FSIP1: variants seen among roughly 807,000 people sequenced by gnomAD.
The protein encoded by FSIP1 is fibrous sheath interacting protein 1.
Under a neutral mutation model 60.9 loss-of-function variants are expected in FSIP1, and 65 were observed. The observed-to-expected ratio is 1.07, with a 90% CI of 0.87 to 1.31. FSIP1 has a LOEUF of 1.31. Ranked by LOEUF, FSIP1 falls within the 40% of genes most tolerant of loss-of-function variation. The pLI, the probability that FSIP1 is intolerant of heterozygous loss-of-function variation, is 0.00. For synonymous variants in FSIP1, 209 were observed against 221.2 expected, an observed-to-expected ratio of 0.94 and a Z score of 0.49; for missense variants, 675 against 665.5, an observed-to-expected ratio of 1.01 and a Z score of -0.16.
chr15:39,705,941 T>C (rs1211935069), intron 10 of FSIP1, among the ~76,000 whole-genome samples: 13 of 147,270 alleles, frequency 8.8e-5, no homozygotes, highest in Non-Finnish European at 3.0e-5. Context: ...GAGGTTGCAG[T>C]GAGCTGAGAT....
At chr15:39,686,003 T>A (rs1016974689) in intron 10 of FSIP1, among the ~76,000 whole-genome samples, 4 of 152,150 alleles carry the variant, frequency 2.6e-5, no homozygotes, top group African/African-American at 9.7e-5. Context: ...GCAAAAAGGG[T>A]AACAAGAGCT....
At chr15:39,766,835 T>A (rs922180922) in intron 3 of FSIP1, among the ~76,000 whole-genome samples, 1 of 148,560 alleles carries the variant, frequency 6.7e-6, no homozygotes, top group African/African-American at 2.6e-5. Flanking sequence ...GTGCATCACT[T>A]CTTCTTCTTC....
chr15:39,616,667 G>A (rs1271339223), intron 11 of FSIP1, among the ~76,000 whole-genome samples: 2 of 152,174 alleles, frequency 1.3e-5, no homozygotes, highest in East Asian at 3.8e-4. Flanking sequence ...AAGAACTTCA[G>A]GTCAGATCAT....
rs1265447947 is a variant in FSIP1, at chr15:39,765,704, G to C, written c.353C>G (p.Ala118Gly). 1.9e-6 allele frequency: 3 copies of C among 1,557,730 alleles called. No individual in the cohort carries two copies. Among genetic ancestry groups the C allele is most frequent in the Non-Finnish European group, 2.6e-6 (3 of 1,137,024 alleles). The change falls in exon 4 of 12, where the codon GCT becomes GGT. Residue 118 changes from alanine (A) to glycine (G), a missense_variant. Transcript: ENST00000350221. ...ATCAAGTTTTTTCATCTTCTGAATA[G>C]CATCTTGAAGTTGAGAATCTAATTC... ...LKELDSQLQD[A>G]IQKMKKLDKI...
At chr15:39,765,516 TTAC>T (rs1897653970) in intron 4 of FSIP1, 73 bp downstream of exon 4, 13 of 1,120,376 alleles carry the variant, frequency 1.2e-5, no homozygotes, top group African/African-American at 1.6e-5. Context: ...AGTGCTGGGA[TTAC>T]AGGTGTGAGC....
At chr15:39,750,161 A>G (rs996013452) in intron 5 of FSIP1, among the ~76,000 whole-genome samples, 2 of 152,036 alleles carry the variant, frequency 1.3e-5, no homozygotes, top group African/African-American at 4.8e-5. Flanking sequence ...AAGAGATTCA[A>G]GAGGACACAA....
At chr15:39,627,589 A>G (rs915797294) in intron 10 of FSIP1, among the ~76,000 whole-genome samples, 2 of 152,148 alleles carry the variant, frequency 1.3e-5, no homozygotes, top group Non-Finnish European at 2.9e-5. Flanking sequence ...ATGTCCCACA[A>G]GTCACCCACA....
chr15:39,773,535 AAT>A (rs1183976867), intron 2 of FSIP1, among the ~76,000 whole-genome samples: 13 of 152,232 alleles, frequency 8.5e-5, no homozygotes. Flanking sequence ...TGTGTATTAA[AAT>A]ATGTGTAAGT....
intron 3 of FSIP1, among the ~76,000 whole-genome samples, chr15:39,770,127 C>CA (rs1466317466): frequency 3.9e-5 from 6 of 152,140 alleles, no homozygotes; most frequent in African/African-American, 1.2e-4. Flanking sequence ...TTTTAGTCAT[C>CA]AAAAAATCAA....
intron 11 of FSIP1, among the ~76,000 whole-genome samples, chr15:39,602,707 T>C (rs1300516443): frequency 6.6e-6 from 1 of 152,164 alleles, no homozygotes; most frequent in East Asian, 1.9e-4. Flanking sequence ...GTAAGTGCTA[T>C]TCTCTCACTA....
intron 10 of FSIP1, among the ~76,000 whole-genome samples, chr15:39,646,203 T>G (rs935871044): frequency 2.0e-5 from 3 of 152,140 alleles, no homozygotes; most frequent in African/African-American, 7.2e-5. Flanking sequence ...GTACCCTCAC[T>G]GCTGAGAGCT....
chr15:39,677,477 T>A (rs750084397), intron 10 of FSIP1, among the ~76,000 whole-genome samples: 9 of 150,484 alleles, frequency 6.0e-5, no homozygotes, highest in Non-Finnish European at 8.8e-5. Context: ...ATTTTTTGAC[T>A]GAATGAATGA....
At chr15:39,667,773 G>A (rs1893556203) in intron 10 of FSIP1, among the ~76,000 whole-genome samples, 1 of 152,170 alleles carries the variant, frequency 6.6e-6, no homozygotes, top group Admixed American at 6.5e-5. Flanking sequence ...TAAAAGGAAA[G>A]GGAAAGGACA....
At chr15:39,714,634 A>T (rs1213057288) in intron 9 of FSIP1, among the ~76,000 whole-genome samples, 3 of 151,428 alleles carry the variant, frequency 2.0e-5, no homozygotes, top group African/African-American at 7.3e-5. Context: ...CCCAGGAAAA[A>T]ATCCGAAGGA....
intron 3 of FSIP1, among the ~76,000 whole-genome samples, chr15:39,769,816 A>T (rs1897821222): frequency 6.6e-6 from 1 of 152,172 alleles, no homozygotes; most frequent in African/African-American, 2.4e-5. Context: ...AGCACCAGCA[A>T]TTTTGCCCAC....
chr15:39,626,973 CT>C (rs111664066), intron 10 of FSIP1, among the ~76,000 whole-genome samples: 18,763 of 152,032 alleles, frequency 0.12, 1,374 homozygotes, highest in East Asian at 0.21. Flanking sequence ...TATCTGGACC[CT>C]TCCCCCCTCA....
At position 39,618,003 on chromosome 15, in the gene FSIP1, T is replaced by G; in HGVS notation, c.1431A>C (p.Glu477Asp). ...TAGTGAGATAGTAGCCTTTAGAAGC[T>G]TCACATTCTTCACTCTCAAGCATAT... Reference protein sequence around the residue: ...DADMLESEECEASKGYYLTKA... With the variant: ...DADMLESEECDASKGYYLTKA... Residue 477 changes from glutamate (E) to aspartate (D), a missense_variant, in exon 11 of 12, where the codon GAA becomes GAC. Coordinates refer to ENST00000350221, the MANE Select transcript of FSIP1 (RefSeq NM_152597.5). The G allele has an allele frequency of 6.2e-7, 1 of 1,614,216 alleles. No homozygotes were observed. Among genetic ancestry groups the G allele is most frequent in the Non-Finnish European group, 8.5e-7 (1 of 1,180,034 alleles).
At chr15:39,743,877 G>A (rs1896888579) in intron 5 of FSIP1, among the ~76,000 whole-genome samples, 1 of 152,026 alleles carries the variant, frequency 6.6e-6, no homozygotes. Flanking sequence ...CCAAACTAGA[G>A]GACATGCTAC....
At chr15:39,649,548 T>C (rs961014763) in intron 10 of FSIP1, among the ~76,000 whole-genome samples, 2 of 152,218 alleles carry the variant, frequency 1.3e-5, no homozygotes, top group African/African-American at 2.4e-5. Flanking sequence ...TAGGCACATA[T>C]AAAAATCAAT....
Sources: allele counts gnomAD v4.1 joint callset (sites outside exome capture counted in the v4.1 genomes callset), GRCh38; gene constraint gnomAD v4.1.1; transcripts MANE v1.5; gene names NCBI Gene and HGNC (gene_info 2026-07-23, HGNC 2026-07-21).